ALDH1A3: variants seen among roughly 807,000 people sequenced by gnomAD.
The protein encoded by ALDH1A3 is retinaldehyde dehydrogenase 3.
Under a neutral mutation model 57.5 loss-of-function variants are expected in ALDH1A3, and 28 were observed. The ratio of observed to expected loss-of-function variants is 0.49; its 90% CI spans 0.36 to 0.67. The LOEUF is 0.67. Ranked by LOEUF, ALDH1A3 falls within the 30% of genes least tolerant of loss-of-function variation. The pLI is 0.00. For synonymous variants in ALDH1A3, 281 were observed against 264.8 expected (o/e 1.06, Z -0.59); for missense variants, 507 against 669.4 (o/e 0.76, Z 2.68).
At chr15:100,900,063 G>A (rs540909316) in intron 8 of ALDH1A3, among the ~76,000 whole-genome samples, 46 of 152,286 alleles carry the variant, frequency 3.0e-4, no homozygotes, top group African/African-American at 1.1e-3. Flanking sequence ...TGAATAACTG[G>A]TTTTAGTTCA....
chr15:100,890,449 G>A (rs1209943143), intron 3 of ALDH1A3, among the ~76,000 whole-genome samples: 2 of 152,030 alleles, frequency 1.3e-5, no homozygotes, highest in Non-Finnish European at 2.9e-5. Context: ...TCATGACCTG[G>A]GTTTTGCTCA....
intron 12 of ALDH1A3, among the ~76,000 whole-genome samples, chr15:100,909,049 G>A (rs539691471): frequency 1.1e-4 from 16 of 150,172 alleles, no homozygotes; most frequent in South Asian, 8.5e-4. Flanking sequence ...CCCTCCATGC[G>A]CGTGCAAACC....
At position 100,910,958 on chromosome 15, in the gene ALDH1A3, C is replaced by T. The variant is rs527765507; in HGVS notation, c.1466+2476C>T. Among the ~76,000 whole-genome samples the T allele has an allele frequency of 3.9e-5, 6 of 152,340 alleles. No individual in the cohort carries two copies. The South Asian group carries it at 1.0e-3, about 26-fold the overall frequency. On this transcript the variant is annotated intron_variant, in intron 12 of 12. Transcript: ENST00000329841. Reference sequence around the variant, plus strand: ...CTTGCCACCCTAACAGTGCTTTTGGCTCCTTAACACCCCCTCGCCTGGCAC... The same window carrying T: ...CTTGCCACCCTAACAGTGCTTTTGGTTCCTTAACACCCCCTCGCCTGGCAC...
chr15:100,898,319 C>T, intron 8 of ALDH1A3, 134 bp downstream of exon 8: 3 of 691,746 alleles, frequency 4.3e-6, no homozygotes, highest in South Asian at 4.9e-5. Flanking sequence ...CCACCGTGGG[C>T]ATCCTGCCCA....
chr15:100,896,366 G>C (rs181448287), intron 7 of ALDH1A3, among the ~76,000 whole-genome samples: 4 of 152,022 alleles, frequency 2.6e-5, no homozygotes, highest in Admixed American at 2.6e-4. Context: ...TGCATGCAGT[G>C]CTCCAAGAAT....
intron 8 of ALDH1A3, among the ~76,000 whole-genome samples, chr15:100,899,678 C>T (rs2041746497): frequency 6.6e-6 from 1 of 152,164 alleles, no homozygotes; most frequent in South Asian, 2.1e-4. Flanking sequence ...CTGGCCCAGC[C>T]AGCTGCAGGG....
intron 8 of ALDH1A3, among the ~76,000 whole-genome samples, chr15:100,898,857 T>C (rs1303893676): frequency 2.0e-5 from 3 of 152,214 alleles, no homozygotes; most frequent in Admixed American, 6.5e-5. Context: ...AAGGAAGGGC[T>C]GGCCGGGCAT....
rs2041672714 is a variant in ALDH1A3 at position 100,893,546 on chromosome 15, G to A, written c.538-408G>A. 5.6e-6 allele frequency: 1 copy of A among 178,338 alleles called. No individual in the cohort carries two copies. Among genetic ancestry groups the A allele is most frequent in the Non-Finnish European group, 1.2e-5 (1 of 84,324 alleles). 11.0% of individuals were successfully genotyped at this position (178,338 alleles called of 1,614,324 possible). A position where few individuals can be genotyped will look rare whatever the true frequency, so the allele number is the denominator to read the frequency against. ...TTGGGCGGTGGGGATGCTTATAGGTGCCCAAGAAGTGCAACAATGCTGCCT... is the reference window on the plus strand; with the variant it reads ...TTGGGCGGTGGGGATGCTTATAGGTACCCAAGAAGTGCAACAATGCTGCCT... On this transcript the variant is annotated intron_variant, in intron 5 of 12. Coordinates refer to ENST00000329841, the MANE Select transcript of ALDH1A3 (RefSeq NM_000693.4). This position sits in a 1 kb window ranked among gnomAD's most constrained non-coding sequence, Gnocchi z 4.8.
intron 12 of ALDH1A3, chr15:100,913,667 G>C (rs2041904467): frequency 6.6e-6 from 1 of 152,148 alleles, no homozygotes; most frequent in South Asian, 2.1e-4. Flanking sequence ...CACAGGTTTG[G>C]GGGATCCAAT....
chr15:100,900,963 G>A (rs1357246684), intron 9 of ALDH1A3, among the ~76,000 whole-genome samples: 1 of 152,202 alleles, frequency 6.6e-6, no homozygotes, highest in African/African-American at 2.4e-5. Context: ...GACACACTGA[G>A]GCATGGGAGG....
chr15:100,903,793 T>C, intron 9 of ALDH1A3, among the ~76,000 whole-genome samples: 2 of 152,328 alleles, frequency 1.3e-5, no homozygotes, highest in Middle Eastern at 3.4e-3. Context: ...TTAAAAACCG[T>C]TTGTATTTCC....
intron 9 of ALDH1A3, 70 bp downstream of exon 9, chr15:100,900,829 C>A: frequency 1.3e-6 from 2 of 1,531,488 alleles, no homozygotes; most frequent in South Asian, 1.2e-5. Context: ...CCATGGCAAC[C>A]GCCTACAGGG....
rs2041923575 is a variant in ALDH1A3, at chr15:100,915,580, A to T, written c.*807A>T. 1 of 152,242 alleles carries T rather than the reference A, an allele frequency of 6.6e-6. No individual in the cohort carries two copies. Among genetic ancestry groups the T allele is most frequent in the African/African-American group, 2.4e-5 (1 of 41,462 alleles). The allele number at this position is 152,242 out of a possible 1,614,324, so 9.4% of individuals were successfully genotyped here. The stretch of plus-strand genomic sequence containing the variant: ...TCCAATCTTCTAACGCCACAACAGC[A>T]TAGCAAATCCTAGGATAATTCACCT... On this transcript the variant is annotated 3_prime_UTR_variant, in exon 13 of 13. Coordinates refer to ENST00000329841, the MANE Select transcript of ALDH1A3 (RefSeq NM_000693.4).
chr15:100,892,495 A>T lies in ALDH1A3; in HGVS notation c.346-15A>T, dbSNP rs201030697. 1 of 1,609,280 alleles carries T rather than the reference A, an allele frequency of 6.2e-7. No individual in the cohort carries two copies. The highest frequency in any genetic ancestry group is 8.5e-7 in the Non-Finnish European group (1 of 1,178,942). ...GCAAGCTATGTCCGAAACAGACATCATCTTGTTATTGCAGGCCCTGGAGAC... is the reference window on the plus strand; with the variant it reads ...GCAAGCTATGTCCGAAACAGACATCTTCTTGTTATTGCAGGCCCTGGAGAC... On this transcript the variant is annotated splice_polypyrimidine_tract_variant and intron_variant, in intron 3 of 12. Transcript: ENST00000329841.
At chr15:100,885,655 CTTT>C (rs4646657) in intron 2 of ALDH1A3, among the ~76,000 whole-genome samples, 12 of 138,348 alleles carry the variant, frequency 8.7e-5, no homozygotes, top group South Asian at 2.4e-4. Flanking sequence ...TTTCTTTTTT[CTTT>C]TTTTTTTTTT....
At chr15:100,885,655 C>CTTTT (rs4646657) in intron 2 of ALDH1A3, among the ~76,000 whole-genome samples, 2 of 138,332 alleles carry the variant, frequency 1.4e-5, no homozygotes, top group Non-Finnish European at 1.6e-5. Context: ...TTTCTTTTTT[C>CTTTT]TTTTTTTTTT....
chr15:100,905,823 T>C lies in ALDH1A3; in HGVS notation c.1233+136T>C. The C allele has an allele frequency of 3.0e-6, 3 of 989,844 alleles. No homozygotes were observed. The South Asian group carries it at 5.6e-5, about 18-fold the overall frequency. The allele number at this position is 989,844 out of a possible 1,614,324, so 61.3% of individuals were successfully genotyped here. The stretch of plus-strand genomic sequence containing the variant: ...TTGTTGCTGTTGTTGTCGTTGTTGT[T>C]TTTTCTGTGTGGTCTTTCCCCTCTC... On this transcript the variant is annotated intron_variant, in intron 10 of 12. Coordinates refer to ENST00000329841, the MANE Select transcript of ALDH1A3 (RefSeq NM_000693.4).
intron 12 of ALDH1A3, among the ~76,000 whole-genome samples, chr15:100,911,594 A>G (rs2041884336): frequency 6.6e-6 from 1 of 152,228 alleles, no homozygotes. Flanking sequence ...TACTGCAGTG[A>G]ACAACACAGC....
chr15:100,897,037 T>C (rs2041711460), intron 7 of ALDH1A3, among the ~76,000 whole-genome samples: 1 of 152,234 alleles, frequency 6.6e-6, no homozygotes, highest in Admixed American at 6.5e-5. Context: ...GAATTACTTT[T>C]AATGAGAAAG....
Sources: gnomAD v4.1 joint callset for allele counts (sites outside exome capture counted in the v4.1 genomes callset) on GRCh38, gnomAD v4.1.1 for gene constraint, Gnocchi (gnomAD v3.1) non-coding constraint, MANE v1.5 for transcripts, NCBI Gene and HGNC (gene_info 2026-07-23, HGNC 2026-07-21) for gene names.